OR56A3: variants seen among roughly 807,000 people sequenced by gnomAD.
The protein encoded by OR56A3 is olfactory receptor 56A3.
OR56A3 carries 23 observed loss-of-function variants against 17.5 expected under a neutral mutation model. The observed-to-expected ratio is 1.32, with a 90% confidence interval of 0.95 to 1.87. OR56A3 has a LOEUF of 1.87. Among genes scored for constraint, OR56A3 ranks in the 40% most tolerant of loss-of-function variants. OR56A3 has a pLI of 0.00. For synonymous variants in OR56A3, 175 were observed against 150.6 expected, an observed-to-expected ratio of 1.16 and a Z score of -1.19; for missense variants, 366 against 380.1, an observed-to-expected ratio of 0.96 and a Z score of 0.31.
Position 5,948,784 on chromosome 11 carries a change from A to G in OR56A3, c.*490A>G, listed in dbSNP as rs1171093830. ...GTCTGTAAGTAGGTCTTTTTCTCTC[A>G]CCCTTCAACCACATCATTGCCTTTC... On this transcript the variant is annotated 3_prime_UTR_variant, in exon 3 of 3. Coordinates refer to ENST00000641160, the MANE Select transcript of OR56A3 (RefSeq NM_001003443.3). 6.4e-6 allele frequency: 1 copy of G among 156,788 alleles called. No individual in the cohort carries two copies. The highest frequency in any genetic ancestry group is 1.4e-5 in the Non-Finnish European group (1 of 70,752). 9.7% of individuals were successfully genotyped at this position (156,788 alleles called of 1,614,324 possible).
At chr11:6,014,521 C>A in the OR56A3 span, among the ~76,000 whole-genome samples, 1 of 152,174 alleles carries the variant, frequency 6.6e-6, no homozygotes, top group Admixed American at 6.5e-5. Context: ...CTCCCTGAGT[C>A]CTCACCAGAA....
chr11:5,956,267 G>A (rs1401145994), downstream of OR56A3, among the ~76,000 whole-genome samples: 1 of 152,164 alleles, frequency 6.6e-6, no homozygotes, highest in Admixed American at 6.5e-5. Flanking sequence ...ATAACTCTAA[G>A]AACAGATTTT....
the OR56A3 span, among the ~76,000 whole-genome samples, chr11:5,993,263 A>G: frequency 2.0e-5 from 3 of 152,228 alleles, no homozygotes; most frequent in African/African-American, 7.2e-5. Flanking sequence ...GTGGAGCACC[A>G]TGAAGAATTT....
downstream of OR56A3, chr11:5,951,376 C>G (rs1046254714): frequency 4.0e-5 from 6 of 151,890 alleles, no homozygotes; most frequent in African/African-American, 1.5e-4. Flanking sequence ...GTATTTGAAA[C>G]TATTTAACTA....
In OR56A3 at chr11:5,947,919, C is replaced by T. The variant is rs751779308; in HGVS notation, c.573C>T (p.Leu191=). Residue 191 remains leucine, a synonymous_variant, in exon 3 of 3, where the codon CTC becomes CTT. Transcript: ENST00000641160. ...GTGCCAATATGTCTGTTTCCAGACT[C>T]TCCTGCGATGATGTCACCATCAATC... The part of the protein sequence containing the change: ...CICANMSVSR[L]SCDDVTINHL... The T allele has an allele frequency of 6.2e-6, 10 of 1,614,058 alleles. No individual in the cohort carries two copies. Among genetic ancestry groups the T allele is most frequent in the Non-Finnish European group, 8.5e-6 (10 of 1,180,020 alleles).
At chr11:6,018,026 ATGTG>A in the OR56A3 span, among the ~76,000 whole-genome samples, 5 of 148,722 alleles carry the variant, frequency 3.4e-5, no homozygotes, top group African/African-American at 9.9e-5. Context: ...TATAACAATT[ATGTG>A]TGTGTGTGTG....
chr11:6,003,164 AC>A, the OR56A3 span: 3 of 1,510,984 alleles, frequency 2.0e-6, no homozygotes, highest in Non-Finnish European at 1.8e-6. Flanking sequence ...CTTATATTTA[AC>A]CAAGTATGTA....
chr11:5,964,207 A>G, the OR56A3 span, among the ~76,000 whole-genome samples: 1 of 152,166 alleles, frequency 6.6e-6, no homozygotes, highest in African/African-American at 2.4e-5. Context: ...CACTCAATTT[A>G]TACATCTCCA....
the OR56A3 span, among the ~76,000 whole-genome samples, chr11:5,984,302 C>T: frequency 1.3e-5 from 2 of 152,174 alleles, no homozygotes; most frequent in Non-Finnish European, 2.9e-5. Context: ...AGATGAAAAA[C>T]GTATACTTTT....
chr11:5,972,739 C>T, the OR56A3 span, among the ~76,000 whole-genome samples: 1 of 152,196 alleles, frequency 6.6e-6, no homozygotes, highest in South Asian at 2.1e-4. Context: ...AGCAATTCTT[C>T]TGCCTCAGCC....
chr11:5,994,683 C>G, the OR56A3 span: 2 of 826,520 alleles, frequency 2.4e-6, no homozygotes, highest in East Asian at 2.5e-5. Flanking sequence ...AAGTCATCAG[C>G]AGCAAGACGG....
chr11:5,961,766 A>AAAG, the OR56A3 span, among the ~76,000 whole-genome samples: 1 of 151,924 alleles, frequency 6.6e-6, no homozygotes, highest in Admixed American at 6.6e-5. Context: ...AAAAAAAAAA[A>AAAG]AAAAGAAAGC....
chr11:5,987,877 C>A, the OR56A3 span, among the ~76,000 whole-genome samples: 1 of 152,304 alleles, frequency 6.6e-6, no homozygotes, highest in Non-Finnish European at 1.5e-5. Flanking sequence ...TCACTCTCAA[C>A]CCTGAAGTCA....
At chr11:6,008,001 T>C in the OR56A3 span, among the ~76,000 whole-genome samples, 1 of 152,212 alleles carries the variant, frequency 6.6e-6, no homozygotes, top group African/African-American at 2.4e-5. Flanking sequence ...GACAATGCAA[T>C]TGTTAACAAT....
At chr11:6,002,266 T>A in the OR56A3 span, 1 of 1,614,198 alleles carries the variant, frequency 6.2e-7, no homozygotes. Context: ...GAACCACACG[T>A]GCTCAAGGCC....
At chr11:5,952,751 C>G (rs1847914913), downstream of OR56A3, among the ~76,000 whole-genome samples, 1 of 152,098 alleles carries the variant, frequency 6.6e-6, no homozygotes, top group African/African-American at 2.4e-5. Context: ...ATTCTGCCAC[C>G]CAGATCCTGA....
the OR56A3 span, chr11:6,003,267 A>G: frequency 1.6e-6 from 1 of 618,808 alleles, no homozygotes; most frequent in South Asian, 3.0e-5. Context: ...TCCTAATGTT[A>G]CAGGTAATAA....
At chr11:6,005,902 T>C in the OR56A3 span, among the ~76,000 whole-genome samples, 2 of 152,116 alleles carry the variant, frequency 1.3e-5, no homozygotes, top group African/African-American at 4.8e-5. Context: ...AACATATGAA[T>C]TTTCCGAGGA....
chr11:6,013,819 A>G, the OR56A3 span, among the ~76,000 whole-genome samples: 63 of 152,198 alleles, frequency 4.1e-4, no homozygotes, highest in African/African-American at 1.4e-3. Context: ...GCACCCACCT[A>G]TATGTGCTAC....
Sources: gnomAD v4.1 joint callset for allele counts (sites outside exome capture counted in the v4.1 genomes callset) on GRCh38, gnomAD v4.1.1 for gene constraint, MANE v1.5 for transcripts, NCBI Gene and HGNC (gene_info 2026-07-23, HGNC 2026-07-21) for gene names.